Variants in LCN6 observed in about 807,000 individuals in gnomAD.
The protein encoded by LCN6 is lipocalin 6.
A neutral mutation model predicts 21.4 loss-of-function variants in LCN6; 20 were observed. That is an observed-to-expected ratio of 0.93 (90% CI 0.66 to 1.36). LCN6 has a LOEUF of 1.36. Among genes scored for constraint, LCN6 ranks in the 40% most tolerant of loss-of-function variants. LCN6 has a pLI of 0.00. For synonymous variants in LCN6, 96 were observed against 89.0 expected (o/e 1.08, Z -0.44); for missense variants, 217 against 206.6 (o/e 1.05, Z -0.31).
At chr9:136,745,352 T>C in intron 3 of LCN6, 72 bp from the exon 4 acceptor site, 1 of 1,058,168 alleles carries the variant, frequency 9.5e-7, no homozygotes, top group South Asian at 1.3e-5. Context: ...GAGCTGATGC[T>C]GGCCACAGGG....
At chr9:136,746,565 T>C (rs1226874796) in intron 2 of LCN6, among the ~76,000 whole-genome samples, 1 of 151,972 alleles carries the variant, frequency 6.6e-6, no homozygotes, top group African/African-American at 2.4e-5. Context: ...ACGTGGGAGC[T>C]GCCACCTCAG....
chr9:136,747,302 G>T, intron 2 of LCN6, 122 bp downstream of exon 2: 1 of 1,089,076 alleles, frequency 9.2e-7, no homozygotes, highest in Non-Finnish European at 1.3e-6. Context: ...AAGTGACGGG[G>T]GTGCAGAGGG....
At chr9:136,745,388 C>A in intron 3 of LCN6, 108 bp from the exon 4 acceptor site, 1 of 758,426 alleles carries the variant, frequency 1.3e-6, no homozygotes, top group Non-Finnish European at 2.3e-6. Context: ...CAAGTGAGAG[C>A]CCCCCTCCCC....
chr9:136,747,357 A>G (rs1168815587), intron 2 of LCN6, 67 bp downstream of exon 2: 2 of 1,572,646 alleles, frequency 1.3e-6, no homozygotes, highest in Non-Finnish European at 1.7e-6. Context: ...GCAGATGTGC[A>G]AAGTACATGA....
Position 136,747,508 on chromosome 9 carries a change from A to G in LCN6, c.146T>C (p.Met49Thr), listed in dbSNP as rs1174479772. 3.7e-6 allele frequency: 6 copies of G among 1,613,458 alleles called. No homozygotes were observed. The highest frequency in any genetic ancestry group is 5.1e-6 in the Non-Finnish European group (6 of 1,179,870). ...CACGACGTTCTTCATGTCCTTCTCCATGGCAAAGCCCTTTTCCCGGGAGGC... is the reference window on the plus strand; with the variant it reads ...CACGACGTTCTTCATGTCCTTCTCCGTGGCAAAGCCCTTTTCCCGGGAGGC... ...AVASREKGFA[M>T]EKDMKNVVGV... The change falls in exon 2 of 7, where the codon ATG becomes ACG. Residue 49 changes from methionine (M) to threonine (T), a missense_variant. Met to Thr is a moderately conservative substitution (Grantham distance 81). Transcript: ENST00000341206.
intron 2 of LCN6, 181 bp from the exon 3 acceptor site, chr9:136,746,095 GA>G (rs1458933220): frequency 6.5e-6 from 4 of 610,896 alleles, no homozygotes; most frequent in African/African-American, 1.9e-5. Flanking sequence ...GGAGTCCTGA[GA>G]GGGGCGGACA....
In LCN6 at chr9:136,745,299, C is replaced by G; in HGVS notation, c.302-19G>C. 5.1e-6 allele frequency: 8 copies of G among 1,563,760 alleles called. No homozygotes were observed. The highest frequency in any genetic ancestry group is 6.2e-6 in the Non-Finnish European group (7 of 1,135,018). On this transcript the variant is annotated intron_variant, in intron 3 of 6. Transcript: ENST00000341206. ...CCTATTGCTAGGAAACAAAACCCCC[C>G]GCCTCAGGGGAGGGCAGCTGCTGTA...
intron 2 of LCN6, among the ~76,000 whole-genome samples, chr9:136,746,427 G>A (rs1420413804): frequency 2.0e-5 from 3 of 151,994 alleles, no homozygotes; most frequent in African/African-American, 4.8e-5. Context: ...GGGGGAAGGG[G>A]CCGGCGCTCC....
Position 136,748,379 on chromosome 9 carries a change from C to T in LCN6, c.90+15G>A, listed in dbSNP as rs752064359. The T allele has an allele frequency of 4.4e-6, 7 of 1,605,780 alleles. No homozygotes were observed. The highest frequency in any genetic ancestry group is 1.3e-5 in the African/African-American group (1 of 74,770). ...CCCCGAGGACCAGCTCTCCCCACCC[C>T]CAGGAGGACTGTACCTGCTCAGGGT... On this transcript the variant is annotated intron_variant, in intron 1 of 6. Transcript: ENST00000341206.
rs1220078423 is a variant in LCN6, at chr9:136,744,955, G to GC, written c.412+214dup. The stretch of plus-strand genomic sequence containing the variant: ...CACCCACCACACAGCTCCCCACATG[G>GC]CCCCCGAGCGGCCCACTCACCACAC... On this transcript the variant is annotated intron_variant, in intron 4 of 6. Transcript: ENST00000341206. The surrounding 1 kb of genome is among the most constrained non-coding windows in gnomAD (Gnocchi z 4.2). Among the ~76,000 whole-genome samples, 2 of 150,894 alleles carry GC rather than the reference G, an allele frequency of 1.3e-5. No individual in the cohort carries two copies. The highest frequency in any genetic ancestry group is 4.9e-5 in the African/African-American group (2 of 41,184).
intron 1 of LCN6, among the ~76,000 whole-genome samples, chr9:136,748,164 A>T (rs1465746066): frequency 1.8e-5 from 2 of 111,454 alleles, no homozygotes; most frequent in Non-Finnish European, 3.9e-5. Flanking sequence ...CAGCCCTGCA[A>T]CCTCCAGTCT....
rs1222367403 is a variant in LCN6, at chr9:136,747,457, T to A, written c.197A>T (p.Glu66Val). Residue 66 changes from glutamate (E) to valine (V), a missense_variant, in exon 2 of 7, where the codon GAA becomes GTA. Glu to Val is a moderately radical substitution (Grantham distance 121). Transcript: ENST00000341206. Reference sequence around the variant, plus strand: ...AGAGGACAGCGTCCGCAGGTTGTTTTCTGGAGTGAGGGTCACCACCACCCC... The same window carrying A: ...AGAGGACAGCGTCCGCAGGTTGTTTACTGGAGTGAGGGTCACCACCACCCC... Reference protein sequence around the residue: ...VVGVVVTLTPENNLRTLSSQH... With the variant: ...VVGVVVTLTPVNNLRTLSSQH... 1.9e-6 allele frequency: 3 copies of A among 1,613,666 alleles called. No homozygotes were observed. Among genetic ancestry groups the A allele is most frequent in the Non-Finnish European group, 2.5e-6 (3 of 1,179,858 alleles).
chr9:136,744,556 C>T lies in LCN6; in HGVS notation c.*22+84G>A, dbSNP rs1190589252. ...GTCAGGCAGAAGCCAGAATCAACCC[C>T]AGGGTCTCTGTCACCCCATCACGCC... On this transcript the variant is annotated intron_variant, in intron 5 of 6. Transcript: ENST00000341206. This position sits in a 1 kb window ranked among gnomAD's most constrained non-coding sequence, Gnocchi z 4.2. 4 of 847,734 alleles carry T rather than the reference C, an allele frequency of 4.7e-6. No individual in the cohort carries two copies. The highest frequency in any genetic ancestry group is 1.7e-5 in the African/African-American group (1 of 59,576). The allele number at this position is 847,734 out of a possible 1,614,324, so 52.5% of individuals were successfully genotyped here.
Position 136,744,797 on chromosome 9 carries a change from C to A in LCN6, c.413-56G>T. 1 of 503,638 alleles carries A rather than the reference C, an allele frequency of 2.0e-6. No homozygotes were observed. The allele number at this position is 503,638 out of a possible 1,614,324, so 31.2% of individuals were successfully genotyped here. A position where few individuals can be genotyped will look rare whatever the true frequency, so the allele number is the denominator to read the frequency against. On this transcript the variant is annotated intron_variant, in intron 4 of 6. Coordinates refer to ENST00000341206, the MANE Select transcript of LCN6 (RefSeq NM_198946.3). This position sits in a 1 kb window ranked among gnomAD's most constrained non-coding sequence, Gnocchi z 4.2. ...CAACCTCTGAGAGCTGGGGAGGGGC[C>A]GGGGAGGGGCTGGGAAGGGTCAGGA...
intron 3 of LCN6, chr9:136,745,505 C>T (rs969616954): frequency 1.5e-5 from 9 of 589,146 alleles, no homozygotes; most frequent in Non-Finnish European, 2.7e-5. Context: ...GACAGACAGA[C>T]AAGCACTGCC....
chr9:136,747,626 CCCTCCAGCCTCAG>C lies in LCN6; in HGVS notation c.91-76_91-64del, dbSNP rs1002314179. ...CCAGCCTCCAGCCTCCAGCCTCCAA[CCCTCCAGCCTCAG>C]CCTCCAGCCTCCAAACCTCCAGCCT... On this transcript the variant is annotated intron_variant, in intron 1 of 6. Coordinates refer to ENST00000341206, the MANE Select transcript of LCN6 (RefSeq NM_198946.3). 28 of 1,516,844 alleles carry C rather than the reference CCCTCCAGCCTCAG, an allele frequency of 1.8e-5. 1 individual carries two copies. Among genetic ancestry groups the C allele is most frequent in the Middle Eastern group, 3.9e-4 (2 of 5,158 alleles). 94.0% of individuals were successfully genotyped at this position (1,516,844 alleles called of 1,614,324 possible).
rs542579447 is a variant in LCN6, at chr9:136,745,756, G to T, written c.301+88C>A. On this transcript the variant is annotated intron_variant, in intron 3 of 6. Coordinates refer to ENST00000341206, the MANE Select transcript of LCN6 (RefSeq NM_198946.3). ...CTGTAGCCTCCTGGCTCTCGGGAGC[G>T]GAGTCAGCCCTCCGTCCCTGCCCGC... 3 of 1,158,042 alleles carry T rather than the reference G, an allele frequency of 2.6e-6. No homozygotes were observed. In the East Asian group the frequency reaches 7.0e-5, roughly 27 times the overall value. 71.7% of individuals were successfully genotyped at this position (1,158,042 alleles called of 1,614,324 possible).
In LCN6 at chr9:136,747,552, G is replaced by A; in HGVS notation, c.102C>T (p.Pro34=). 2 of 1,611,374 alleles carry A rather than the reference G, an allele frequency of 1.2e-6. No individual in the cohort carries two copies. The highest frequency in any genetic ancestry group is 1.7e-6 in the Non-Finnish European group (2 of 1,179,776). Residue 34 remains proline, a synonymous_variant, in exon 2 of 7, where the codon CCC becomes CCT. Transcript: ENST00000341206. ...GRLDPEQLLG[P]WYVLAVASRE... is the part of the protein sequence containing the mutation. ...GGGAGGCCACCGCAAGCACGTACCA[G>A]GGCCCAAGAAGCTGCATTGAGGCGG...
At chr9:136,747,616 C>A in intron 1 of LCN6, 53 bp from the exon 2 acceptor site, 1 of 1,566,346 alleles carries the variant, frequency 6.4e-7, no homozygotes, top group South Asian at 1.1e-5. Flanking sequence ...CTCCAGCCTC[C>A]AGCCTCCAAC....
Sources: allele counts gnomAD v4.1 joint callset (sites outside exome capture counted in the v4.1 genomes callset), GRCh38; gene constraint gnomAD v4.1.1; non-coding constraint Gnocchi (gnomAD v3.1); transcripts MANE v1.5; gene names NCBI Gene and HGNC (gene_info 2026-07-23, HGNC 2026-07-21).